The following PCDHGB3 variants were observed in gnomAD, a reference collection of about 807,000 sequenced individuals.
PCDHGB3 encodes the protein protocadherin gamma subfamily B, 3.
In PCDHGB3, 40 loss-of-function variants were observed where a neutral mutation model predicts 59.2. The ratio of observed to expected loss-of-function variants is 0.68; its 90% CI spans 0.52 to 0.88. The LOEUF is 0.88. PCDHGB3 is among the 40% of genes least tolerant of loss of function. PCDHGB3 has a pLI of 0.00. For missense variants in PCDHGB3, 1,309 were observed against 1,187.9 expected (o/e 1.10, Z -1.50); for synonymous variants, 581 against 503.6 (o/e 1.15, Z -2.06).
At position 141,490,909 on chromosome 5, in the gene PCDHGB3, G is replaced by A. The variant is rs1170664693; in HGVS notation, c.2416-3898G>A. On this transcript the variant is annotated intron_variant, in intron 1 of 3. Coordinates refer to ENST00000576222, the MANE Select transcript of PCDHGB3 (RefSeq NM_018924.5). The surrounding 1 kb of genome is among the most constrained non-coding windows in gnomAD (Gnocchi z 5.4). ...ATCTCTGCATGTGTTTGTCCTAGAC[G>A]AGAATGATAATGCCCCAGCTGTGCT... The A allele has an allele frequency of 1.1e-5, 17 of 1,613,626 alleles. No individual in the cohort carries two copies. Among genetic ancestry groups the A allele is most frequent in the East Asian group, 4.5e-5 (2 of 44,882 alleles).
intron 1 of PCDHGB3, chr5:141,430,836 C>T: frequency 6.4e-7 from 1 of 1,558,936 alleles, no homozygotes; most frequent in South Asian, 1.2e-5. Context: ...CTGTGGGAGA[C>T]CGGATGCACC....
At chr5:141,421,762 T>G (rs1272315856) in intron 1 of PCDHGB3, 2 of 1,613,884 alleles carry the variant, frequency 1.2e-6, no homozygotes, top group Non-Finnish European at 8.5e-7. Context: ...TAATAATTAC[T>G]TTTCCTTGCA....
At chr5:141,449,450 T>C (rs1269861041) in intron 1 of PCDHGB3, among the ~76,000 whole-genome samples, 2 of 151,216 alleles carry the variant, frequency 1.3e-5, no homozygotes, top group Non-Finnish European at 2.9e-5. Context: ...CTACTAAAAA[T>C]ACAAAAATTA....
chr5:141,494,537 G>C (rs2099755111), intron 1 of PCDHGB3, among the ~76,000 whole-genome samples: 1 of 152,168 alleles, frequency 6.6e-6, no homozygotes, highest in Non-Finnish European at 1.5e-5. Flanking sequence ...TGGGGGCAGG[G>C]AGGAAGGGGC....
chr5:141,462,617 T>C (rs1413543706), intron 1 of PCDHGB3, among the ~76,000 whole-genome samples: 1 of 151,850 alleles, frequency 6.6e-6, no homozygotes, highest in East Asian at 1.9e-4. Context: ...TTTTCACTTT[T>C]AGAAGTTCCA....
At position 141,476,097 on chromosome 5, in the gene PCDHGB3, A is replaced by G. The variant is rs1366023758; in HGVS notation, c.2416-18710A>G. 1 of 1,571,812 alleles carries G rather than the reference A, an allele frequency of 6.4e-7. No individual in the cohort carries two copies. Among genetic ancestry groups the G allele is most frequent in the African/African-American group, 1.4e-5 (1 of 73,826 alleles). ...CAGGGACGATCTGGACCCCGCTGAG[A>G]GGAACTGCTTTTGAGTGAGATGGTC... On this transcript the variant is annotated intron_variant, in intron 1 of 3. Coordinates refer to ENST00000576222, the MANE Select transcript of PCDHGB3 (RefSeq NM_018924.5). The surrounding 1 kb of genome is among the most constrained non-coding windows in gnomAD (Gnocchi z 7.6).
intron 1 of PCDHGB3, chr5:141,384,389 AG>A: frequency 1.2e-6 from 2 of 1,613,942 alleles, no homozygotes; most frequent in South Asian, 1.1e-5. Context: ...GACACCATCC[AG>A]GGGGCTCCAG....
chr5:141,506,262 A>G (rs1395369571), intron 3 of PCDHGB3, among the ~76,000 whole-genome samples: 1 of 152,046 alleles, frequency 6.6e-6, no homozygotes, highest in Admixed American at 6.6e-5. Context: ...CGGCCTGGCC[A>G]ACATAGTGAA....
intron 1 of PCDHGB3, among the ~76,000 whole-genome samples, chr5:141,406,577 A>T (rs558329088): frequency 6.6e-6 from 1 of 152,274 alleles, no homozygotes; most frequent in South Asian, 2.1e-4. Context: ...TAGTAAACCA[A>T]TTTTTTCCCT....
In PCDHGB3 at chr5:141,428,992, C is replaced by A. The variant is rs986416866; in HGVS notation, c.2415+56183C>A. The A allele has an allele frequency of 1.3e-4, 20 of 152,092 alleles. 1 individual carries two copies. Among genetic ancestry groups the A allele is most frequent in the Admixed American group, 1.2e-3 (18 of 15,248 alleles). 9.4% of individuals were successfully genotyped at this position (152,092 alleles called of 1,614,324 possible). On this transcript the variant is annotated intron_variant, in intron 1 of 3. Transcript: ENST00000576222. Reference sequence around the variant, plus strand: ...GCCTCAGCCTCCCGGGTAGCTGGGACTACAGGCGCCCGCCACCACGCCCGG... The same window carrying A: ...GCCTCAGCCTCCCGGGTAGCTGGGAATACAGGCGCCCGCCACCACGCCCGG...
intron 3 of PCDHGB3, among the ~76,000 whole-genome samples, chr5:141,506,866 T>C (rs1182560001): frequency 2.6e-5 from 4 of 152,104 alleles, no homozygotes; most frequent in Admixed American, 2.6e-4. Context: ...GACTGGTGGG[T>C]AGAGAACCAG....
At chr5:141,410,787 T>C in intron 1 of PCDHGB3, 2 of 844,672 alleles carry the variant, frequency 2.4e-6, no homozygotes, top group South Asian at 4.4e-5. Flanking sequence ...TGTATTTGGT[T>C]CATAAGTTGC....
chr5:141,374,282 G>C, intron 1 of PCDHGB3: 1 of 1,613,972 alleles, frequency 6.2e-7, no homozygotes, highest in Non-Finnish European at 8.5e-7. Context: ...AGTCCGCATC[G>C]TCTCCAGAGG....
At chr5:141,427,602 A>G (rs1415454468) in intron 1 of PCDHGB3, 1 of 685,668 alleles carries the variant, frequency 1.5e-6, no homozygotes, top group Non-Finnish European at 2.7e-6. Flanking sequence ...CACCCTACGC[A>G]TTGGTGAAGT....
chr5:141,423,758 G>GGGT, intron 1 of PCDHGB3: 1 of 366,842 alleles, frequency 2.7e-6, no homozygotes, highest in Non-Finnish European at 3.8e-6. Context: ...TTTGGGGGGG[G>GGGT]GGTGGGGCGG....
chr5:141,505,583 T>A, intron 3 of PCDHGB3, 102 bp downstream of exon 3: 1 of 1,583,650 alleles, frequency 6.3e-7, no homozygotes, highest in Non-Finnish European at 8.6e-7. Context: ...ACCTGTGTAG[T>A]TTCTCCAGAT....
rs764055095 is a variant in PCDHGB3, at chr5:141,385,083, A to G, written c.2415+12274A>G. ...ACAAGTCACGCCTGCTGCAGGCTTC[A>G]GAAGGTGGCTTGGCGAACGTGCCCA... On this transcript the variant is annotated intron_variant, in intron 1 of 3. Coordinates refer to ENST00000576222, the MANE Select transcript of PCDHGB3 (RefSeq NM_018924.5). 18 of 1,614,084 alleles carry G rather than the reference A, an allele frequency of 1.1e-5. No homozygotes were observed. The Admixed American group carries it at 3.0e-4, about 27-fold the overall frequency.
At chr5:141,502,494 A>G (rs928571740) in intron 2 of PCDHGB3, among the ~76,000 whole-genome samples, 2 of 152,180 alleles carry the variant, frequency 1.3e-5, no homozygotes, top group South Asian at 2.1e-4. Context: ...GGACTCATCT[A>G]ACGTCGGCCT....
Position 141,415,491 on chromosome 5 carries a change from G to C in PCDHGB3, c.2415+42682G>C, listed in dbSNP as rs1386703838. 3.7e-6 allele frequency: 6 copies of C among 1,614,090 alleles called. No homozygotes were observed. The Admixed American group carries it at 8.3e-5, about 22-fold the overall frequency. ...CCGCGGACTCGCGAAAGAGTCACCTGATCTTCCCCCAGCCCAATTATGCGG... is the reference window on the plus strand; with the variant it reads ...CCGCGGACTCGCGAAAGAGTCACCTCATCTTCCCCCAGCCCAATTATGCGG... On this transcript the variant is annotated intron_variant, in intron 1 of 3. Coordinates refer to ENST00000576222, the MANE Select transcript of PCDHGB3 (RefSeq NM_018924.5).
Sources: allele counts gnomAD v4.1 joint callset (sites outside exome capture counted in the v4.1 genomes callset), GRCh38; gene constraint gnomAD v4.1.1; non-coding constraint Gnocchi (gnomAD v3.1); transcripts MANE v1.5; gene names NCBI Gene and HGNC (gene_info 2026-07-23, HGNC 2026-07-21).